CCDC17: variants seen among roughly 807,000 people sequenced by gnomAD.
CCDC17 encodes coiled-coil domain-containing protein 17.
CCDC17 carries 79 observed loss-of-function variants against 68.0 expected under a neutral mutation model. That is an observed-to-expected ratio of 1.16 (90% CI 0.97 to 1.40). The LOEUF is 1.40. Ranked by LOEUF, CCDC17 falls within the 40% of genes most tolerant of loss-of-function variation. The pLI is 0.00. For synonymous variants in CCDC17, 376 were observed against 337.5 expected, an observed-to-expected ratio of 1.11 and a Z score of -1.25; for missense variants, 846 against 811.5, an observed-to-expected ratio of 1.04 and a Z score of -0.52.
Position 45,621,071 on chromosome 1 carries a change from C to T in CCDC17, c.1431G>A (p.Gln477=). 3.1e-6 allele frequency: 5 copies of T among 1,614,028 alleles called. No individual in the cohort carries two copies. The highest frequency in any genetic ancestry group is 4.2e-6 in the Non-Finnish European group (5 of 1,179,894). ...TAGCCCATGCTAGCCCCTGCCAGACCTGCAGCTCACAGACCAAAGATACTG... is the reference window on the plus strand; with the variant it reads ...TAGCCCATGCTAGCCCCTGCCAGACTTGCAGCTCACAGACCAAAGATACTG... ...SSSVSLVCEL[Q]VWQGLAWARA... The change falls in exon 11 of 13, where the codon CAG becomes CAA. Residue 477 remains glutamine (Q), a synonymous_variant. Coordinates refer to ENST00000528266, the MANE Select transcript of CCDC17 (RefSeq NM_001114938.3).
rs1444244359 is a variant in CCDC17 at position 45,623,614 on chromosome 1, G to C, written c.213C>G (p.Pro71=). The change falls in exon 2 of 13, where the codon CCC becomes CCG. Residue 71 remains proline (P), a synonymous_variant. Transcript: ENST00000528266. ...TGGCCTGCTGGTCTGGGAGGCCCTG[G>C]GGTTCTTGTGGCACGCCCTGGTGTT... ...PQEHQGVPQE[P]QGLPDQQASR... 9 of 1,551,140 alleles carry C rather than the reference G, an allele frequency of 5.8e-6. No individual in the cohort carries two copies. The highest frequency in any genetic ancestry group is 2.7e-5 in the African/African-American group (2 of 73,026).
At chr1:45,622,695 C>G in intron 5 of CCDC17, 28 bp from the exon 6 acceptor site, 2 of 1,555,996 alleles carry the variant, frequency 1.3e-6, no homozygotes, top group Non-Finnish European at 1.7e-6. Flanking sequence ...GGAAGGCCGT[C>G]TTTCCAGAAC....
intron 6 of CCDC17, 74 bp downstream of exon 6, chr1:45,622,475 A>G (rs1644301712): frequency 1.3e-6 from 2 of 1,488,786 alleles, no homozygotes; most frequent in African/African-American, 1.4e-5. Flanking sequence ...TGCCATCCAC[A>G]GCCACAGGCC....
At position 45,624,022 on chromosome 1, in the gene CCDC17, G is replaced by C; in HGVS notation, c.-113C>G. On this transcript the variant is annotated 5_prime_UTR_variant, in exon 1 of 13. Transcript: ENST00000528266. ...AAGCCAGAGGCAGAGAGGAAAGGCC[G>C]TGTCTATTAGGTCTGTGAGATCTTC... 1 of 747,284 alleles carries C rather than the reference G, an allele frequency of 1.3e-6. No homozygotes were observed. The highest frequency in any genetic ancestry group is 2.0e-5 in the South Asian group (1 of 50,646). The allele number at this position is 747,284 out of a possible 1,614,324, so 46.3% of individuals were successfully genotyped here.
Position 45,620,364 on chromosome 1 carries a change from G to C in CCDC17, c.1780C>G (p.Arg594Gly). Reference protein sequence around the residue: ...PAVGFADPPPRTEEPLSGVKD... With the variant: ...PAVGFADPPPGTEEPLSGVKD... ...ACTCCACTGAGGGGCTCTTCTGTAC[G>C]AGGTGGGGGATCAGCAAAGCCAACT... Residue 594 changes from arginine (R) to glycine (G), a missense_variant, in exon 13 of 13, where the codon CGT becomes GGT. By Grantham distance (125) the Arg-to-Gly change is moderately radical. Transcript: ENST00000528266. The C allele has an allele frequency of 6.2e-7, 1 of 1,606,300 alleles. No homozygotes were observed. The highest frequency in any genetic ancestry group is 1.1e-5 in the South Asian group (1 of 89,394).
chr1:45,623,440 C>CTGGAGG lies in CCDC17; in HGVS notation c.271-7_271-2dup. ...GTAGGGATAGCCGCAGCCACTGCAC[C>CTGGAGG]TGGAGGTAACAGCGATCCGCGATCT... On this transcript the variant is annotated splice_acceptor_variant, in intron 2 of 12. Coordinates refer to ENST00000528266, the MANE Select transcript of CCDC17 (RefSeq NM_001114938.3). LOFTEE classifies it high-confidence loss of function. The CTGGAGG allele has an allele frequency of 6.4e-7, 1 of 1,550,452 alleles. No homozygotes were observed. The highest frequency in any genetic ancestry group is 8.7e-7 in the Non-Finnish European group (1 of 1,146,856).
chr1:45,621,783 T>C (rs1199042047), intron 8 of CCDC17, 48 bp from the exon 9 acceptor site: 25 of 1,607,210 alleles, frequency 1.6e-5, no homozygotes, highest in Non-Finnish European at 2.0e-5. Flanking sequence ...TAGCTGCTCA[T>C]GTTCCCCCAA....
rs936145078 is a variant in CCDC17 at position 45,623,966 on chromosome 1, GGGAAAGGCAGA to G, written c.-68_-58del. 3.0e-5 allele frequency: 37 copies of G among 1,238,622 alleles called. No homozygotes were observed. The African/African-American group carries it at 5.3e-4, about 18-fold the overall frequency. The allele number at this position is 1,238,622 out of a possible 1,614,324, so 76.7% of individuals were successfully genotyped here. ...GACCTGCAGAAGGGATCAAGGGCAG[GGGAAAGGCAGA>G]GGAGGATGAAAGAGACATAAAGCCA... On this transcript the variant is annotated 5_prime_UTR_variant, in exon 1 of 13. Transcript: ENST00000528266.
intron 8 of CCDC17, 44 bp from the exon 9 acceptor site, chr1:45,621,779 C>T (rs1169444808): frequency 6.2e-7 from 1 of 1,607,650 alleles, no homozygotes. Context: ...CTTGTAGCTG[C>T]TCATGTTCCC....
In CCDC17 at chr1:45,620,116, A is replaced by G. The variant is rs765028695; in HGVS notation, c.*159T>C. ...GAGGTACAGAAAAGTTAAGGACTTA[A>G]CGGGAGGTGGTAAAGCTGTGGTTGG... On this transcript the variant is annotated 3_prime_UTR_variant, in exon 13 of 13. Transcript: ENST00000528266. 3 of 669,560 alleles carry G rather than the reference A, an allele frequency of 4.5e-6. No homozygotes were observed. The highest frequency in any genetic ancestry group is 7.1e-6 in the Non-Finnish European group (3 of 419,844). 41.5% of individuals were successfully genotyped at this position (669,560 alleles called of 1,614,324 possible). A position where few individuals can be genotyped will look rare whatever the true frequency, so the allele number is the denominator to read the frequency against.
Position 45,622,573 on chromosome 1 carries a change from G to T in CCDC17, c.835C>A (p.Leu279Met). 1 of 1,552,788 alleles carries T rather than the reference G, an allele frequency of 6.4e-7. No individual in the cohort carries two copies. Among genetic ancestry groups the T allele is most frequent in the South Asian group, 1.2e-5 (1 of 84,154 alleles). The change falls in exon 6 of 13, where the codon CTG becomes ATG. Residue 279 changes from leucine (L) to methionine (M), a missense_variant. Transcript: ENST00000528266. ...CCTCTGCGGGTCTGCGACCGCTGCA[G>T]CTCCAGTGCAGACGCCTCCACCTGC... ...QLQVEASALE[L>M]QRSQTRRGRA... is the part of the protein sequence containing the mutation.
At chr1:45,622,493 G>T in intron 6 of CCDC17, 56 bp downstream of exon 6, 1 of 1,515,604 alleles carries the variant, frequency 6.6e-7, no homozygotes, top group Non-Finnish European at 8.9e-7. Context: ...GCCCTCCCTC[G>T]AGTTCTTTTC....
chr1:45,621,609 G>C, intron 9 of CCDC17, 29 bp downstream of exon 9: 1 of 1,609,780 alleles, frequency 6.2e-7, no homozygotes, highest in Non-Finnish European at 8.5e-7. Context: ...CCAAGTCACA[G>C]AGGCTGTCGA....
Position 45,621,960 on chromosome 1 carries a change from G to A in CCDC17, c.1003C>T (p.Leu335=), listed in dbSNP as rs1017393198. 2 of 1,610,974 alleles carry A rather than the reference G, an allele frequency of 1.2e-6. No individual in the cohort carries two copies. The highest frequency in any genetic ancestry group is 4.5e-5 in the East Asian group (2 of 44,794). The change falls in exon 8 of 13, where the codon CTA becomes TTA. Residue 335 remains leucine, a synonymous_variant. Coordinates refer to ENST00000528266, the MANE Select transcript of CCDC17 (RefSeq NM_001114938.3). ...GGATCTCTCCTCCCCTTCGGTTGTA[G>A]GCTGGCATCCCCCAGGAGTCGCAGA... ...QDLRLLGDAS[L]QPKGRRDPPL...
At chr1:45,622,171 A>G (rs1644288153) in intron 7 of CCDC17, 70 bp downstream of exon 7, 4 of 1,430,276 alleles carry the variant, frequency 2.8e-6, no homozygotes, top group South Asian at 1.2e-5. Flanking sequence ...TTCCCCATGC[A>G]CTGTCTGCCT....
intron 10 of CCDC17, 25 bp downstream of exon 10, chr1:45,621,256 A>AGAG (rs1491503785): frequency 1.3e-6 from 2 of 1,556,294 alleles, no homozygotes; most frequent in East Asian, 2.4e-5. Flanking sequence ...GCAGAGTACC[A>AGAG]GAGTCATGAT....
chr1:45,622,024 A>AAGTT (rs752563171), intron 7 of CCDC17, 29 bp from the exon 8 acceptor site: 3 of 1,569,328 alleles, frequency 1.9e-6, no homozygotes, highest in African/African-American at 2.7e-5. Context: ...GGGTGCCCCT[A>AAGTT]AGTTGGACAA....
At position 45,621,634 on chromosome 1, in the gene CCDC17, T is replaced by G; in HGVS notation, c.1184+4A>C. 1 of 1,613,114 alleles carries G rather than the reference T, an allele frequency of 6.2e-7. No individual in the cohort carries two copies. The highest frequency in any genetic ancestry group is 1.3e-5 in the African/African-American group (1 of 74,982). On this transcript the variant is annotated splice_donor_region_variant and intron_variant, in intron 9 of 12. Coordinates refer to ENST00000528266, the MANE Select transcript of CCDC17 (RefSeq NM_001114938.3). The stretch of plus-strand genomic sequence containing the variant: ...GAGGCTGTCGAAGGTGGCACGGGCC[T>G]CACCCAGGATCATAGGGTGCAGGGC...
In CCDC17 at chr1:45,621,656, G is replaced by A. The variant is rs768325251; in HGVS notation, c.1166C>T (p.Pro389Leu). The A allele has an allele frequency of 6.2e-7, 1 of 1,613,840 alleles. No homozygotes were observed. The highest frequency in any genetic ancestry group is 8.5e-7 in the Non-Finnish European group (1 of 1,179,822). ...FLLPTSDMLG[P>L]APYDPGAGLV... ...GCCTCACCCAGGATCATAGGGTGCAGGGCCCAGCATGTCCGATGTGGGCAG... is the reference window on the plus strand; with the variant it reads ...GCCTCACCCAGGATCATAGGGTGCAAGGCCCAGCATGTCCGATGTGGGCAG... The change falls in exon 9 of 13, where the codon CCT (proline) becomes CTT (leucine). Residue 389 changes from proline (P) to leucine (L), a missense_variant. Pro to Leu is a moderately conservative substitution (Grantham distance 98). Coordinates refer to ENST00000528266, the MANE Select transcript of CCDC17 (RefSeq NM_001114938.3).
Sources: gnomAD v4.1 joint callset for allele counts on GRCh38, gnomAD v4.1.1 for gene constraint, MANE v1.5 for transcripts, NCBI Gene and HGNC (gene_info 2026-07-23, HGNC 2026-07-21) for gene names.